Variants in CSMD3 observed in about 807,000 individuals in gnomAD.
CSMD3 encodes the protein CUB and sushi domain-containing protein 3.
A neutral mutation model predicts 435.2 loss-of-function variants in CSMD3; 177 were observed. That is an observed-to-expected ratio of 0.41 (90% confidence interval 0.36 to 0.46). The LOEUF (loss-of-function observed/expected upper bound fraction) is 0.46. Among genes scored for constraint, CSMD3 ranks in the 20% least tolerant of loss-of-function variants. The pLI is 0.34. For synonymous variants in CSMD3, 1,656 were observed against 1,520.5 expected (o/e 1.09, Z -2.07); for missense variants, 4,265 against 4,504.6 (o/e 0.95, Z 1.52).
chr8:113,307,051 G>A (rs2093827079), intron 2 of CSMD3, among the ~76,000 whole-genome samples: 1 of 151,934 alleles, frequency 6.6e-6, no homozygotes, highest in Admixed American at 6.6e-5. Flanking sequence ...ATTTAGCCAT[G>A]GTAATGAAAT....
At chr8:113,326,073 C>G (rs113665517) in intron 1 of CSMD3, among the ~76,000 whole-genome samples, 16 of 152,264 alleles carry the variant, frequency 1.1e-4, no homozygotes, top group African/African-American at 3.9e-4. Context: ...GTGTATATTT[C>G]AAATGTTTCA....
intron 13 of CSMD3, among the ~76,000 whole-genome samples, chr8:112,779,638 C>G (rs1270099978): frequency 6.6e-6 from 1 of 151,972 alleles, no homozygotes; most frequent in East Asian, 1.9e-4. Context: ...AAGTGTCCAT[C>G]AAATGATGCA....
Position 113,376,978 on chromosome 8 carries a change from C to T in CSMD3, c.178+59699G>A, listed in dbSNP as rs561267467. ...GCCCAAACTAAAGGTGTGTGCGCTG[C>T]GCATGACCAGCCGGGCCCGCAGCCA... On this transcript the variant is annotated intron_variant, in intron 1 of 70. Transcript: ENST00000297405. The T allele has an allele frequency of 3.7e-6, 5 of 1,352,056 alleles. No individual in the cohort carries two copies. In the African/African-American group the frequency reaches 6.0e-5, roughly 16 times the overall value. The allele number at this position is 1,352,056 out of a possible 1,614,324, so 83.8% of individuals were successfully genotyped here.
At chr8:113,406,673 T>A (rs910955355) in intron 1 of CSMD3, among the ~76,000 whole-genome samples, 1 of 152,010 alleles carries the variant, frequency 6.6e-6, no homozygotes, top group African/African-American at 2.4e-5. Flanking sequence ...TTTTCTGTCA[T>A]TTTTTTCTGA....
At chr8:112,273,410 C>T (rs891735874) in intron 59 of CSMD3, among the ~76,000 whole-genome samples, 1 of 152,000 alleles carries the variant, frequency 6.6e-6, no homozygotes, top group Non-Finnish European at 1.5e-5. Context: ...GTTAGCCATA[C>T]AGTTGTAGGC....
At chr8:112,684,793 A>G (rs957882158) in intron 15 of CSMD3, among the ~76,000 whole-genome samples, 1 of 152,170 alleles carries the variant, frequency 6.6e-6, no homozygotes, top group Admixed American at 6.6e-5. Flanking sequence ...ACTAAGTAAT[A>G]TGTACTCTGT....
chr8:112,690,047 AT>A lies in CSMD3; in HGVS notation c.1975del (p.Ile659LeufsTer28). The A allele has an allele frequency of 1.2e-6, 2 of 1,612,642 alleles. No homozygotes were observed. Among genetic ancestry groups the A allele is most frequent in the Non-Finnish European group, 1.7e-6 (2 of 1,178,952 alleles). On this transcript the variant is annotated frameshift_variant and splice_region_variant, in exon 14 of 71. Transcript: ENST00000297405. LOFTEE classifies it high-confidence loss of function. ...SVGFKVNYKE[I>X]EKESCGDPGT... The stretch of plus-strand genomic sequence containing the variant: ...AGGATCACCACAACTTTCTTTCTCA[AT>A]TTCTGGAAAAATAGAAGATAAAAGT...
At chr8:112,535,922 A>T (rs1322644238) in intron 27 of CSMD3, among the ~76,000 whole-genome samples, 1 of 152,040 alleles carries the variant, frequency 6.6e-6, no homozygotes. Flanking sequence ...GCAATGGGGA[A>T]AGGATTCCCT....
At chr8:113,238,772 T>G (rs577645020) in intron 3 of CSMD3, among the ~76,000 whole-genome samples, 4 of 152,304 alleles carry the variant, frequency 2.6e-5, no homozygotes, top group African/African-American at 9.6e-5. Flanking sequence ...CTTTTCTATA[T>G]GTGATTCTTC....
At chr8:113,158,819 C>A (rs563981644) in intron 4 of CSMD3, among the ~76,000 whole-genome samples, 1 of 151,800 alleles carries the variant, frequency 6.6e-6, no homozygotes, top group South Asian at 2.1e-4. Context: ...TTTAAATGTA[C>A]AAACGATATA....
chr8:112,772,969 T>C (rs956801533), intron 13 of CSMD3, among the ~76,000 whole-genome samples: 1 of 151,966 alleles, frequency 6.6e-6, no homozygotes, highest in Non-Finnish European at 1.5e-5. Context: ...TAATGATCAA[T>C]AAATACTAAG....
intron 1 of CSMD3, among the ~76,000 whole-genome samples, chr8:113,392,069 A>C (rs916238213): frequency 4.6e-5 from 7 of 152,058 alleles, no homozygotes; most frequent in Non-Finnish European, 1.0e-4. Flanking sequence ...GATTGACAAA[A>C]CCAGTACTCA....
At chr8:112,246,379 G>A (rs2130141954) in intron 64 of CSMD3, among the ~76,000 whole-genome samples, 1 of 152,206 alleles carries the variant, frequency 6.6e-6, no homozygotes, top group South Asian at 2.1e-4. Flanking sequence ...GAAAAGATAA[G>A]GGAAGAGATT....
At chr8:112,519,095 G>A (rs1015506623) in intron 27 of CSMD3, among the ~76,000 whole-genome samples, 1 of 152,136 alleles carries the variant, frequency 6.6e-6, no homozygotes, top group Non-Finnish European at 1.5e-5. Context: ...TGGTGACACA[G>A]ATTACAATTA....
chr8:112,291,786 A>C, intron 55 of CSMD3, 91 bp from the exon 56 acceptor site: 1 of 840,352 alleles, frequency 1.2e-6, no homozygotes, highest in Non-Finnish European at 1.9e-6. Flanking sequence ...ACTTAGTTTC[A>C]AAAGTAAATT....
intron 2 of CSMD3, among the ~76,000 whole-genome samples, chr8:113,302,072 A>G (rs1245498429): frequency 1.3e-5 from 2 of 151,126 alleles, no homozygotes; most frequent in Admixed American, 6.6e-5. Context: ...ATCACTCCAA[A>G]AATGCTATAG....
At chr8:113,357,406 G>A (rs1161950883) in intron 1 of CSMD3, among the ~76,000 whole-genome samples, 16 of 152,162 alleles carry the variant, frequency 1.1e-4, no homozygotes, top group Non-Finnish European at 4.4e-5. Flanking sequence ...GCACAGTATG[G>A]TAACCACTAG....
chr8:113,154,302 A>G (rs1212399195), intron 4 of CSMD3, among the ~76,000 whole-genome samples: 1 of 151,980 alleles, frequency 6.6e-6, no homozygotes, highest in Non-Finnish European at 1.5e-5. Flanking sequence ...ATTGCTTGAG[A>G]ATGTCATCAA....
chr8:112,656,290 A>T lies in CSMD3; in HGVS notation c.2868T>A (p.Asn956Lys), dbSNP rs1266878661. The T allele has an allele frequency of 6.2e-7, 1 of 1,613,630 alleles. No individual in the cohort carries two copies. Among genetic ancestry groups the T allele is most frequent in the African/African-American group, 1.3e-5 (1 of 75,022 alleles). ...YDVLEVHDGP[N>K]LLSPLLGSYN... is the part of the protein sequence containing the mutation. ...AAGATCCAAGCAAGGGTGACAGAAGATTTGGCCCATCATGAACTTCCAGAA... is the reference window on the plus strand; with the variant it reads ...AAGATCCAAGCAAGGGTGACAGAAGTTTTGGCCCATCATGAACTTCCAGAA... The change falls in exon 18 of 71, where the codon AAT (asparagine) becomes AAA (lysine). Residue 956 changes from asparagine (N) to lysine (K), a missense_variant. Transcript: ENST00000297405.
Sources: gnomAD v4.1 joint callset for allele counts (sites outside exome capture counted in the v4.1 genomes callset) on GRCh38, gnomAD v4.1.1 for gene constraint, MANE v1.5 for transcripts, NCBI Gene and HGNC (gene_info 2026-07-23, HGNC 2026-07-21) for gene names.